KICS2: variants seen among roughly 807,000 people sequenced by gnomAD.
KICS2 encodes KICSTOR complex protein C12orf66.
A neutral mutation model predicts 31.4 loss-of-function variants in KICS2; 13 were observed. That is an observed-to-expected ratio of 0.41 (90% confidence interval 0.27 to 0.66). The LOEUF is 0.66. Ranked by LOEUF, KICS2 falls within the 30% of genes least tolerant of loss-of-function variation. KICS2 has a pLI of 0.28. For missense variants in KICS2, 455 were observed against 545.4 expected (o/e 0.83, Z 1.65); for synonymous variants, 209 against 214.8 (o/e 0.97, Z 0.24).
intron 2 of KICS2, among the ~76,000 whole-genome samples, chr12:64,207,587 T>C (rs2037550446): frequency 6.6e-6 from 1 of 152,198 alleles, no homozygotes; most frequent in Non-Finnish European, 1.5e-5. Context: ...TGAGCTTAGC[T>C]TGGTCATACT....
At chr12:64,202,167 G>C (rs1259443635) in intron 2 of KICS2, among the ~76,000 whole-genome samples, 1 of 152,190 alleles carries the variant, frequency 6.6e-6, no homozygotes, top group Non-Finnish European at 1.5e-5. Context: ...CACTTTGGGA[G>C]GCAGAGGCAG....
At chr12:64,217,144 A>G (rs1162186687) in intron 1 of KICS2, among the ~76,000 whole-genome samples, 1 of 152,172 alleles carries the variant, frequency 6.6e-6, no homozygotes, top group Non-Finnish European at 1.5e-5. Context: ...TTCCCTTACT[A>G]CTAGGTAACC....
chr12:64,211,886 G>A (rs142432189), intron 2 of KICS2, among the ~76,000 whole-genome samples: 19 of 152,248 alleles, frequency 1.2e-4, no homozygotes, highest in East Asian at 1.2e-3. Context: ...ATTATACAAC[G>A]GCAGAAAATC....
At chr12:64,208,798 T>A (rs1384828157) in intron 2 of KICS2, among the ~76,000 whole-genome samples, 5 of 152,248 alleles carry the variant, frequency 3.3e-5, no homozygotes, top group Non-Finnish European at 2.9e-5. Context: ...GAATGGTTTA[T>A]TATTGCCATA....
chr12:64,209,967 AT>A (rs1382766099), intron 2 of KICS2, among the ~76,000 whole-genome samples: 1 of 152,002 alleles, frequency 6.6e-6, no homozygotes, highest in Non-Finnish European at 1.5e-5. Context: ...AATATGAATT[AT>A]TTCTCTAGAA....
chr12:64,213,575 C>G (rs968205995), intron 2 of KICS2, among the ~76,000 whole-genome samples: 2 of 152,152 alleles, frequency 1.3e-5, no homozygotes, highest in African/African-American at 4.8e-5. Flanking sequence ...CCACCTCCCC[C>G]CCTTTTCCTA....
rs1354763050 is a variant in KICS2, at chr12:64,193,406, T to C, written c.*436A>G. ...TTGCTAATTTATGAGACAGAAAACA[T>C]ATAGTTCTTAATTCTAAAAAGGCCA... On this transcript the variant is annotated 3_prime_UTR_variant, in exon 3 of 3. Transcript: ENST00000398055. The C allele has an allele frequency of 5.1e-6, 5 of 987,006 alleles. No individual in the cohort carries two copies. Among genetic ancestry groups the C allele is most frequent in the Non-Finnish European group, 6.0e-6 (5 of 830,986 alleles). 61.1% of individuals were successfully genotyped at this position (987,006 alleles called of 1,614,324 possible).
intron 2 of KICS2, among the ~76,000 whole-genome samples, chr12:64,208,554 T>C (rs1362044899): frequency 6.6e-6 from 1 of 152,190 alleles, no homozygotes; most frequent in Non-Finnish European, 1.5e-5. Context: ...ACTATACACA[T>C]GCAACTAACA....
intron 2 of KICS2, among the ~76,000 whole-genome samples, chr12:64,202,699 T>C (rs1009134254): frequency 6.6e-6 from 1 of 150,416 alleles, no homozygotes; most frequent in South Asian, 2.1e-4. Context: ...TATTTTCTAC[T>C]ATACATATTA....
At chr12:64,205,051 T>A (rs371080840) in intron 2 of KICS2, among the ~76,000 whole-genome samples, 1 of 152,186 alleles carries the variant, frequency 6.6e-6, no homozygotes, top group Non-Finnish European at 1.5e-5. Flanking sequence ...TCTATAATCA[T>A]GGCTATTAGG....
chr12:64,204,202 G>A (rs1802308713), intron 2 of KICS2, among the ~76,000 whole-genome samples: 1 of 152,118 alleles, frequency 6.6e-6, no homozygotes, highest in South Asian at 2.1e-4. Flanking sequence ...ACTAGTGCCT[G>A]TTGGGGCCTG....
intron 2 of KICS2, among the ~76,000 whole-genome samples, chr12:64,201,773 G>GC (rs1280671753): frequency 9.5e-6 from 1 of 105,292 alleles, no homozygotes; most frequent in East Asian, 2.2e-4. Flanking sequence ...AACCTGGGGT[G>GC]GGGGGGCAAG....
chr12:64,216,965 C>T (rs546448554), intron 1 of KICS2, among the ~76,000 whole-genome samples: 28 of 152,100 alleles, frequency 1.8e-4, no homozygotes, highest in Admixed American at 1.6e-3. Context: ...AAGAGATGGA[C>T]AAGAGTTTAA....
intron 2 of KICS2, among the ~76,000 whole-genome samples, chr12:64,207,572 T>C (rs1013867964): frequency 1.3e-5 from 2 of 152,150 alleles, no homozygotes; most frequent in African/African-American, 4.8e-5. Context: ...AGCAAAGGCT[T>C]AAAATGAGCT....
At chr12:64,214,008 A>G (rs903574241) in intron 2 of KICS2, among the ~76,000 whole-genome samples, 2 of 152,132 alleles carry the variant, frequency 1.3e-5, no homozygotes, top group African/African-American at 4.8e-5. Flanking sequence ...GGCTACCATC[A>G]TAGCCTGCTA....
chr12:64,188,883 G>A (rs563345310), downstream of KICS2, among the ~76,000 whole-genome samples: 4 of 152,208 alleles, frequency 2.6e-5, no homozygotes, highest in East Asian at 3.9e-4. Flanking sequence ...GGCCAGGCAC[G>A]GTGACTCATG....
intron 1 of KICS2, 61 bp downstream of exon 1, chr12:64,221,942 A>C: frequency 1.3e-6 from 2 of 1,504,104 alleles, no homozygotes; most frequent in Non-Finnish European, 1.8e-6. Context: ...GCCACTGCCG[A>C]CTGGGGAATA....
At chr12:64,210,869 G>GCA (rs1251912784) in intron 2 of KICS2, among the ~76,000 whole-genome samples, 1 of 152,074 alleles carries the variant, frequency 6.6e-6, no homozygotes, top group Non-Finnish European at 1.5e-5. Flanking sequence ...ACACGTGTAT[G>GCA]CACACACACA....
intron 1 of KICS2, 125 bp downstream of exon 1, chr12:64,221,878 G>C: frequency 9.4e-7 from 1 of 1,067,248 alleles, no homozygotes; most frequent in Non-Finnish European, 1.3e-6. Context: ...GAGGAGATCT[G>C]GGAATGCCGA....
Sources: gnomAD v4.1 joint callset for allele counts (sites outside exome capture counted in the v4.1 genomes callset) on GRCh38, gnomAD v4.1.1 for gene constraint, MANE v1.5 for transcripts, NCBI Gene and HGNC (gene_info 2026-07-23, HGNC 2026-07-21) for gene names.